Variants in CTNNA2 observed in about 807,000 individuals in gnomAD.
CTNNA2 encodes catenin alpha-2.
CTNNA2 carries 42 observed loss-of-function variants against 101.0 expected under a neutral mutation model. The observed-to-expected ratio is 0.42, with a 90% CI of 0.32 to 0.54. The LOEUF (loss-of-function observed/expected upper bound fraction) is 0.54, where lower values mean the gene tolerates loss of function less well. Among genes scored for constraint, CTNNA2 ranks in the 20% least tolerant of loss-of-function variants. The pLI, the probability that CTNNA2 is intolerant of heterozygous loss-of-function variation, is 0.14. For missense variants in CTNNA2, 871 were observed against 1,223.1 expected, an observed-to-expected ratio of 0.71 and a Z score of 4.29; for synonymous variants, 450 against 456.4, an observed-to-expected ratio of 0.99 and a Z score of 0.18.
At chr2:79,786,742 A>G (rs1363387310) in intron 3 of CTNNA2, among the ~76,000 whole-genome samples, 2 of 152,138 alleles carry the variant, frequency 1.3e-5, no homozygotes, top group Non-Finnish European at 2.9e-5. Flanking sequence ...ACAATTTCTT[A>G]TAAGTACTCC....
intron 4 of CTNNA2, among the ~76,000 whole-genome samples, chr2:79,474,534 A>G (rs1038512380): frequency 6.6e-6 from 1 of 152,192 alleles, no homozygotes; most frequent in African/African-American, 2.4e-5. Context: ...TTTACACCAC[A>G]AGGTAAAATT....
intron 3 of CTNNA2, among the ~76,000 whole-genome samples, chr2:79,752,377 C>T (rs1672105013): frequency 6.6e-6 from 1 of 152,056 alleles, no homozygotes; most frequent in South Asian, 2.1e-4. Flanking sequence ...TCAGAGTGTT[C>T]AGAGATTGTG....
intron 7 of CTNNA2, among the ~76,000 whole-genome samples, chr2:79,917,079 A>ATT (rs142546476): frequency 3.1e-5 from 2 of 64,274 alleles, no homozygotes; most frequent in African/African-American, 1.5e-4. Context: ...TTATTTATTT[A>ATT]TTTATTTTTT....
chr2:79,255,503 G>T (rs956733741), intron 2 of CTNNA2, among the ~76,000 whole-genome samples: 6 of 152,174 alleles, frequency 3.9e-5, no homozygotes, highest in Non-Finnish European at 8.8e-5. Flanking sequence ...GTACAGCATG[G>T]CAGAGTTACA....
chr2:79,855,729 A>G (rs1681081697), intron 3 of CTNNA2, among the ~76,000 whole-genome samples: 3 of 33,938 alleles, frequency 8.8e-5, no homozygotes, highest in African/African-American at 3.3e-4. Flanking sequence ...CCATGTAGCT[A>G]CCTGGGTTCG....
intron 1 of CTNNA2, among the ~76,000 whole-genome samples, chr2:79,194,003 A>G (rs937703625): frequency 8.5e-5 from 13 of 152,204 alleles, no homozygotes; most frequent in African/African-American, 2.9e-4. Context: ...CTATTTTTAT[A>G]TGTACTATAG....
chr2:80,629,187 C>CTT (rs1195625575), intron 18 of CTNNA2, among the ~76,000 whole-genome samples: 2 of 152,090 alleles, frequency 1.3e-5, no homozygotes, highest in Non-Finnish European at 2.9e-5. Context: ...CCCTCCGGTT[C>CTT]TTATATCATG....
intron 7 of CTNNA2, among the ~76,000 whole-genome samples, chr2:80,269,334 C>T (rs1673270387): frequency 6.6e-6 from 1 of 152,164 alleles, no homozygotes; most frequent in African/African-American, 2.4e-5. Flanking sequence ...TCATTCTTCT[C>T]TCTCCTGATG....
chr2:80,020,644 C>T (rs552916290), intron 7 of CTNNA2, among the ~76,000 whole-genome samples: 1 of 152,152 alleles, frequency 6.6e-6, no homozygotes, highest in South Asian at 2.1e-4. Context: ...ATGCAGAGAA[C>T]CCCTTTTCAG....
Position 79,858,088 on chromosome 2 carries a change from G to A in CTNNA2, c.374G>A (p.Arg125Gln), listed in dbSNP as rs768333764. Residue 125 changes from arginine (R) to glutamine (Q), a missense_variant, in exon 4 of 19, where the codon CGG becomes CAG. Physicochemically the swap from Arg to Gln is conservative, Grantham distance 43 (BLOSUM62 1). This residue lies in a region of CTNNA2 where 647 missense variants were observed against 831.5 expected (regional missense o/e 0.78). Coordinates refer to ENST00000402739, the MANE Select transcript of CTNNA2 (RefSeq NM_001282597.3). ...TCGGTAAAGCGCGGCACCATGGTAC[G>A]GGCGGCAAGGGCTTTGCTCTCCGCG... ...CSSVKRGTMVRAARALLSAVT... is the reference protein window; with the variant it reads ...CSSVKRGTMVQAARALLSAVT... The A allele has an allele frequency of 6.2e-6, 10 of 1,614,120 alleles. No homozygotes were observed. Among genetic ancestry groups the A allele is most frequent in the Non-Finnish European group, 7.6e-6 (9 of 1,180,004 alleles).
At chr2:80,452,377 T>A (rs1683592416) in intron 9 of CTNNA2, among the ~76,000 whole-genome samples, 1 of 151,768 alleles carries the variant, frequency 6.6e-6, no homozygotes, top group South Asian at 2.1e-4. Context: ...ACAGATGTGA[T>A]CCCTGCTTCT....
At chr2:80,580,160 C>T (rs997667037) in intron 13 of CTNNA2, among the ~76,000 whole-genome samples, 4 of 152,228 alleles carry the variant, frequency 2.6e-5, no homozygotes, top group African/African-American at 9.6e-5. Context: ...ATGTCTACAT[C>T]ATACGAGTGT....
At chr2:79,762,779 G>C (rs977821896) in intron 3 of CTNNA2, among the ~76,000 whole-genome samples, 5 of 152,112 alleles carry the variant, frequency 3.3e-5, no homozygotes, top group Non-Finnish European at 7.4e-5. Context: ...ATTCTAAAAT[G>C]TGCAATAGTA....
intron 4 of CTNNA2, among the ~76,000 whole-genome samples, chr2:79,483,032 A>G (rs1436317306): frequency 6.6e-6 from 1 of 152,210 alleles, no homozygotes; most frequent in Non-Finnish European, 1.5e-5. Context: ...GGTTCAACAA[A>G]TAATCACCAA....
chr2:80,286,342 A>C (rs1231472227), intron 7 of CTNNA2, among the ~76,000 whole-genome samples: 2 of 152,074 alleles, frequency 1.3e-5, no homozygotes, highest in Non-Finnish European at 2.9e-5. Flanking sequence ...AGAGGGCCTT[A>C]GGAAACACTA....
At chr2:80,353,507 A>G (rs983041052) in intron 7 of CTNNA2, among the ~76,000 whole-genome samples, 9 of 152,142 alleles carry the variant, frequency 5.9e-5, no homozygotes, top group Non-Finnish European at 1.2e-4. Context: ...ATACATTTAA[A>G]TTTAAAAAAT....
intron 18 of CTNNA2, among the ~76,000 whole-genome samples, chr2:80,639,472 A>G (rs1424602557): frequency 6.6e-6 from 1 of 151,774 alleles, no homozygotes; most frequent in Non-Finnish European, 1.5e-5. Flanking sequence ...GGCCTCCTAA[A>G]ATGCTGGGAT....
intron 18 of CTNNA2, among the ~76,000 whole-genome samples, chr2:80,629,148 A>T (rs748756972): frequency 2.6e-5 from 4 of 152,056 alleles, no homozygotes; most frequent in Non-Finnish European, 4.4e-5. Context: ...CCCACAAAAG[A>T]CTATATAGTC....
chr2:79,441,395 T>C (rs1179738466), intron 4 of CTNNA2, among the ~76,000 whole-genome samples: 2 of 152,166 alleles, frequency 1.3e-5, no homozygotes, highest in African/African-American at 4.8e-5. Flanking sequence ...ATTATTAACA[T>C]ATCTGAACTC....
Sources: gnomAD v4.1 joint callset for allele counts (sites outside exome capture counted in the v4.1 genomes callset) on GRCh38, gnomAD v4.1.1 for gene constraint, gnomAD v4.1.1 regional missense constraint, MANE v1.5 for transcripts, NCBI Gene and HGNC (gene_info 2026-07-23, HGNC 2026-07-21) for gene names.